ATP10D: variants seen among roughly 807,000 people sequenced by gnomAD.
The protein encoded by ATP10D is ATPase phospholipid transporting 10D (putative), also known as phospholipid-transporting ATPase VD.
ATP10D carries 89 observed loss-of-function variants against 144.8 expected under a neutral mutation model. The observed-to-expected ratio is 0.61, with a 90% confidence interval of 0.52 to 0.73. The LOEUF (loss-of-function observed/expected upper bound fraction) is 0.73. Among genes scored for constraint, ATP10D ranks in the 30% least tolerant of loss-of-function variants. The pLI is 0.00. For missense variants in ATP10D, 1,603 were observed against 1,714.8 expected, an observed-to-expected ratio of 0.93 and a Z score of 1.15; for synonymous variants, 571 against 615.1, an observed-to-expected ratio of 0.93 and a Z score of 1.06.
At chr4:47,520,617 G>A (rs1716897271) in intron 3 of ATP10D, among the ~76,000 whole-genome samples, 1 of 151,948 alleles carries the variant, frequency 6.6e-6, no homozygotes. Flanking sequence ...AAAACAGGTT[G>A]GAGTGCAGTG....
At chr4:47,526,180 C>T (rs1408903957) in intron 5 of ATP10D, among the ~76,000 whole-genome samples, 1 of 152,100 alleles carries the variant, frequency 6.6e-6, no homozygotes, top group East Asian at 1.9e-4. Context: ...AAATCAAATC[C>T]AGCTATGTAT....
At chr4:47,583,158 T>G (rs1407364527) in intron 21 of ATP10D, 5 of 152,226 alleles carry the variant, frequency 3.3e-5, no homozygotes, top group African/African-American at 1.2e-4. Context: ...CAAAAAAGTG[T>G]GATTATCTTA....
intron 4 of ATP10D, among the ~76,000 whole-genome samples, chr4:47,524,333 T>C (rs908675587): frequency 4.6e-5 from 7 of 152,160 alleles, no homozygotes; most frequent in Non-Finnish European, 1.0e-4. Flanking sequence ...TTGGTAAATT[T>C]CATCTTGTCA....
chr4:47,554,259 G>C (rs1718863805), intron 10 of ATP10D, among the ~76,000 whole-genome samples: 1 of 152,148 alleles, frequency 6.6e-6, no homozygotes, highest in South Asian at 2.1e-4. Flanking sequence ...TTTTTGGAGA[G>C]TTGTTTTTTA....
intron 10 of ATP10D, among the ~76,000 whole-genome samples, chr4:47,553,717 T>C (rs1298579226): frequency 2.0e-5 from 3 of 152,234 alleles, no homozygotes; most frequent in African/African-American, 7.2e-5. Context: ...CCATATGGTT[T>C]CCATCCCATG....
At chr4:47,568,340 A>G (rs908822847) in intron 15 of ATP10D, among the ~76,000 whole-genome samples, 1 of 152,260 alleles carries the variant, frequency 6.6e-6, no homozygotes, top group African/African-American at 2.4e-5. Context: ...TGAATCAAAA[A>G]GAAGATAAAA....
intron 4 of ATP10D, among the ~76,000 whole-genome samples, chr4:47,523,977 A>G (rs761776434): frequency 1.3e-5 from 2 of 152,166 alleles, no homozygotes; most frequent in African/African-American, 4.8e-5. Flanking sequence ...CCCAGGCTGG[A>G]GTGCAGTGGC....
Position 47,546,705 on chromosome 4 carries a change from T to C in ATP10D, c.1478T>C (p.Met493Thr). Residue 493 changes from methionine (M) to threonine (T), a missense_variant, in exon 10 of 23, where the codon ATG becomes ACG. Transcript: ENST00000273859. ...ACAGTCAGTGGTTCCCTCAGCAATA[T>C]GGCAAAACCGAGAGCCCCCAGCTGC... ...IDTVSGSLSN[M>T]AKPRAPSCRT... 1 of 1,614,104 alleles carries C rather than the reference T, an allele frequency of 6.2e-7. No individual in the cohort carries two copies. The highest frequency in any genetic ancestry group is 8.5e-7 in the Non-Finnish European group (1 of 1,179,976).
chr4:47,498,430 G>A (rs2109387512), intron 1 of ATP10D, among the ~76,000 whole-genome samples: 1 of 152,300 alleles, frequency 6.6e-6, no homozygotes, highest in Non-Finnish European at 1.5e-5. Flanking sequence ...GGCCCCATTT[G>A]AGGACCACTG....
At chr4:47,522,229 G>A (rs979336703) in intron 3 of ATP10D, among the ~76,000 whole-genome samples, 6 of 152,054 alleles carry the variant, frequency 3.9e-5, no homozygotes, top group African/African-American at 1.2e-4. Flanking sequence ...CTATACAAAC[G>A]TCCTCATTCT....
At chr4:47,556,103 A>T (rs1295131880) in intron 11 of ATP10D, among the ~76,000 whole-genome samples, 1 of 152,234 alleles carries the variant, frequency 6.6e-6, no homozygotes, top group Non-Finnish European at 1.5e-5. Flanking sequence ...ATTCATGGAA[A>T]ATTCATTTTC....
At chr4:47,577,192 A>G (rs1490896722) in intron 19 of ATP10D, among the ~76,000 whole-genome samples, 1 of 152,240 alleles carries the variant, frequency 6.6e-6, no homozygotes, top group African/African-American at 2.4e-5. Flanking sequence ...GAAGAAATCT[A>G]AAGTTTGAAT....
chr4:47,570,661 A>G (rs757125699), intron 16 of ATP10D, among the ~76,000 whole-genome samples: 1 of 152,032 alleles, frequency 6.6e-6, no homozygotes, highest in Non-Finnish European at 1.5e-5. Flanking sequence ...AAACTTGGCC[A>G]GGCCTGGTGG....
chr4:47,551,225 T>A (rs1363287018), intron 10 of ATP10D, among the ~76,000 whole-genome samples: 1 of 152,188 alleles, frequency 6.6e-6, no homozygotes, highest in Non-Finnish European at 1.5e-5. Flanking sequence ...GCCTAGGAAA[T>A]CCAGCTAGTC....
chr4:47,586,404 A>G (rs1720794516), intron 21 of ATP10D, among the ~76,000 whole-genome samples: 1 of 152,234 alleles, frequency 6.6e-6, no homozygotes, highest in Admixed American at 6.5e-5. Flanking sequence ...CCTCTCAGAG[A>G]ACTTCTTGGT....
intron 1 of ATP10D, among the ~76,000 whole-genome samples, chr4:47,503,892 T>A (rs1259750269): frequency 6.6e-6 from 1 of 151,586 alleles, no homozygotes; most frequent in African/African-American, 2.4e-5. Flanking sequence ...GAGCAAGACC[T>A]GTCTAAAAAA....
chr4:47,493,802 G>A (rs1466592556), intron 1 of ATP10D, among the ~76,000 whole-genome samples: 2 of 152,098 alleles, frequency 1.3e-5, no homozygotes, highest in Non-Finnish European at 2.9e-5. Context: ...TTGGGTTGGG[G>A]AGGGGGCGGC....
chr4:47,586,875 A>G (rs1720813981), intron 21 of ATP10D, 144 bp from the exon 22 acceptor site: 6 of 657,134 alleles, frequency 9.1e-6, no homozygotes, highest in Admixed American at 2.9e-5. Flanking sequence ...TCTCCTTGAT[A>G]TCTTATATTT....
chr4:47,509,331 C>CT (rs1716192296), intron 1 of ATP10D, among the ~76,000 whole-genome samples: 1 of 152,064 alleles, frequency 6.6e-6, no homozygotes, highest in Non-Finnish European at 1.5e-5. Context: ...GAACAAATAC[C>CT]TATTTCTATA....
Sources: gnomAD v4.1 joint callset for allele counts (sites outside exome capture counted in the v4.1 genomes callset) on GRCh38, gnomAD v4.1.1 for gene constraint, MANE v1.5 for transcripts, NCBI Gene and HGNC (gene_info 2026-07-23, HGNC 2026-07-21) for gene names.